Variants in RAB3C observed in about 807,000 individuals in gnomAD.
RAB3C encodes RAB3C, member RAS oncogene family.
RAB3C carries 17 observed loss-of-function variants against 26.4 expected under a neutral mutation model. The ratio of observed to expected loss-of-function variants is 0.64; its 90% CI spans 0.44 to 0.97. The LOEUF is 0.97. Among genes scored for constraint, RAB3C ranks in the 50% least tolerant of loss-of-function variants. The probability of loss-of-function intolerance (pLI) is 0.00; values close to 1 mark genes in which losing one functional copy is unlikely to be tolerated. For missense variants in RAB3C, 242 were observed against 281.9 expected (o/e 0.86, Z 1.01); for synonymous variants, 91 against 95.9 (o/e 0.95, Z 0.30).
intron 3 of RAB3C, among the ~76,000 whole-genome samples, chr5:58,800,705 A>C (rs533094890): frequency 6.6e-6 from 1 of 152,262 alleles, no homozygotes; most frequent in African/African-American, 2.4e-5. Flanking sequence ...CATTCTTCTG[A>C]ATGGAATTCT....
intron 2 of RAB3C, among the ~76,000 whole-genome samples, chr5:58,693,582 G>A (rs1748624078): frequency 6.6e-6 from 1 of 152,132 alleles, no homozygotes; most frequent in South Asian, 2.1e-4. Flanking sequence ...CAGCCAAGAG[G>A]TAGAGCTGAG....
chr5:58,644,333 T>C (rs1561276833), intron 2 of RAB3C: 1 of 152,226 alleles, frequency 6.6e-6, no homozygotes, highest in Admixed American at 6.5e-5. Context: ...TTCTCTGAGC[T>C]TCAGTTGTTT....
chr5:58,676,961 AAAC>A (rs1748243101), intron 2 of RAB3C, among the ~76,000 whole-genome samples: 1 of 152,102 alleles, frequency 6.6e-6, no homozygotes, highest in South Asian at 2.1e-4. Flanking sequence ...TGGGTGACTT[AAAC>A]AACAGAAATT....
chr5:58,780,781 A>G (rs1474920314), intron 3 of RAB3C, among the ~76,000 whole-genome samples: 1 of 151,996 alleles, frequency 6.6e-6, no homozygotes, highest in Admixed American at 6.6e-5. Context: ...ATATCCTGAG[A>G]TCTTAGGTGG....
chr5:58,793,039 A>G (rs1267100456), intron 3 of RAB3C, among the ~76,000 whole-genome samples: 2 of 152,130 alleles, frequency 1.3e-5, no homozygotes, highest in African/African-American at 2.4e-5. Flanking sequence ...TCCAATGCAC[A>G]TTCTTATTGC....
chr5:58,603,997 G>T (rs1269047764), intron 1 of RAB3C, among the ~76,000 whole-genome samples: 3 of 151,042 alleles, frequency 2.0e-5, no homozygotes, highest in South Asian at 4.2e-4. Flanking sequence ...GTCCCACAAG[G>T]TATTCTCTTC....
intron 3 of RAB3C, among the ~76,000 whole-genome samples, chr5:58,783,576 C>CCCAA (rs1742315324): frequency 6.6e-6 from 1 of 152,108 alleles, no homozygotes; most frequent in Admixed American, 6.6e-5. Context: ...GTAGTTGTCT[C>CCCAA]ACTTTGCACC....
intron 1 of RAB3C, among the ~76,000 whole-genome samples, chr5:58,605,190 G>A (rs561312341): frequency 6.6e-6 from 1 of 152,282 alleles, no homozygotes; most frequent in Admixed American, 6.5e-5. Context: ...TGCAGGAGCA[G>A]TCTGCTTCCA....
intron 2 of RAB3C, among the ~76,000 whole-genome samples, chr5:58,709,256 C>T (rs1009811387): frequency 2.0e-5 from 3 of 152,176 alleles, no homozygotes; most frequent in African/African-American, 4.8e-5. Flanking sequence ...TGTCTTTTGG[C>T]ATTTCAGTCA....
chr5:58,616,010 A>ACACACACACACC (rs779097196), intron 1 of RAB3C, among the ~76,000 whole-genome samples: 1 of 149,596 alleles, frequency 6.7e-6, no homozygotes, highest in African/African-American at 2.5e-5. Flanking sequence ...ACACACACAC[A>ACACACACACACC]CCCCTGACTT....
chr5:58,739,499 G>A (rs1486196504), intron 3 of RAB3C, among the ~76,000 whole-genome samples: 1 of 151,862 alleles, frequency 6.6e-6, no homozygotes, highest in African/African-American at 2.4e-5. Context: ...CCTCGCCTAT[G>A]TACCCCTTCT....
At chr5:58,649,896 A>G (rs2111784130) in intron 2 of RAB3C, among the ~76,000 whole-genome samples, 1 of 152,326 alleles carries the variant, frequency 6.6e-6, no homozygotes, top group South Asian at 2.1e-4. Flanking sequence ...ACTGCTGAAG[A>G]TAAAGCCTTA....
chr5:58,712,921 A>G (rs1308913514), intron 2 of RAB3C, among the ~76,000 whole-genome samples: 1 of 152,222 alleles, frequency 6.6e-6, no homozygotes, highest in Non-Finnish European at 1.5e-5. Flanking sequence ...AGTGTAGTCA[A>G]TGAAGAAGAC....
At chr5:58,814,915 G>A (rs1381259053) in intron 3 of RAB3C, among the ~76,000 whole-genome samples, 1 of 152,116 alleles carries the variant, frequency 6.6e-6, no homozygotes, top group African/African-American at 2.4e-5. Flanking sequence ...GTGCAAGGTA[G>A]TTCCAGGACT....
At chr5:58,638,453 A>G (rs292990) in intron 2 of RAB3C, among the ~76,000 whole-genome samples, 51,607 of 151,628 alleles carry the variant, frequency 0.34, 9,745 homozygotes, top group Middle Eastern at 0.49. Flanking sequence ...TTTTATTCTC[A>G]TGGAGTTATA....
chr5:58,597,674 TATA>T (rs1482339659), intron 1 of RAB3C, among the ~76,000 whole-genome samples: 2 of 130,934 alleles, frequency 1.5e-5, no homozygotes, highest in African/African-American at 5.3e-5. Context: ...AAGTATATAA[TATA>T]ATATAGTACA....
intron 3 of RAB3C, among the ~76,000 whole-genome samples, chr5:58,745,392 C>CAAAAAAAAAAAAAAAAAAAAAAAAAAA (rs1173604247): frequency 6.0e-5 from 2 of 33,110 alleles, no homozygotes; most frequent in African/African-American, 1.9e-4. Flanking sequence ...GACTCTGCTT[C>CAAAAAAAAAAAAAAAAAAAAAAAAAAA]AAAAAAAAAA....
intron 2 of RAB3C, among the ~76,000 whole-genome samples, chr5:58,652,960 G>A (rs1321511521): frequency 2.6e-5 from 4 of 152,008 alleles, no homozygotes; most frequent in Non-Finnish European, 4.4e-5. Context: ...ACGCAATTTA[G>A]GGAAAAAAAA....
At chr5:58,670,661 C>G (rs1353258303) in intron 2 of RAB3C, among the ~76,000 whole-genome samples, 1 of 152,180 alleles carries the variant, frequency 6.6e-6, no homozygotes, top group Non-Finnish European at 1.5e-5. Flanking sequence ...CAGTATAGAA[C>G]TGCAGTGCTT....
Sources: gnomAD v4.1 joint callset for allele counts (sites outside exome capture counted in the v4.1 genomes callset) on GRCh38, gnomAD v4.1.1 for gene constraint, MANE v1.5 for transcripts, NCBI Gene and HGNC (gene_info 2026-07-23, HGNC 2026-07-21) for gene names.